The following S1PR3 variants were observed in gnomAD, a reference collection of about 807,000 sequenced individuals.
S1PR3 encodes the protein sphingosine 1-phosphate receptor 3.
A neutral mutation model predicts 13.3 loss-of-function variants in S1PR3; 12 were observed. The observed-to-expected ratio is 0.90, with a 90% CI of 0.58 to 1.46. The LOEUF (loss-of-function observed/expected upper bound fraction) is 1.46. Ranked by LOEUF, S1PR3 falls within the 40% of genes most tolerant of loss-of-function variation. The pLI is 0.00. For synonymous variants in S1PR3, 232 were observed against 214.0 expected, an observed-to-expected ratio of 1.08 and a Z score of -0.73; for missense variants, 450 against 501.9, an observed-to-expected ratio of 0.90 and a Z score of 0.99.
intron 1 of S1PR3, chr9:88,997,710 G>A (rs566218903): frequency 1.3e-5 from 2 of 152,364 alleles, no homozygotes; most frequent in East Asian, 3.9e-4. Context: ...ACATACTGGA[G>A]TGGGTATCCC....
rs141754825 is a variant in S1PR3 at position 88,992,778 on chromosome 9, ATG to A, written c.-148+1104_-148+1105del. 1.1e-3 allele frequency: 171 copies of A among 149,402 alleles called. 1 individual carries two copies. The Middle Eastern group carries it at 0.014, about 12-fold the overall frequency. The allele number at this position is 149,402 out of a possible 1,614,324, so 9.3% of individuals were successfully genotyped here. On this transcript the variant is annotated intron_variant, in intron 1 of 1. Transcript: ENST00000358157. ...TGAGGAGGTGGTGATGGTGCGGGGC[ATG>A]TGTGTGTGTGTGTGTGTGTGCGCTT...
intron 1 of S1PR3, chr9:88,992,296 C>G (rs1825731527): frequency 2.3e-6 from 1 of 426,094 alleles, no homozygotes; most frequent in Admixed American, 4.1e-5. Flanking sequence ...CTCTCTCTCT[C>G]TCTTCCTCTG....
intron 1 of S1PR3, chr9:88,992,698 T>C (rs1433103356): frequency 6.6e-6 from 1 of 152,374 alleles, no homozygotes; most frequent in East Asian, 1.9e-4. Flanking sequence ...AGGATTATGC[T>C]CTGCAGATAC....
At position 88,991,759 on chromosome 9, in the gene S1PR3, C is replaced by T; in HGVS notation, c.-148+64C>T. The T allele has an allele frequency of 6.4e-7, 1 of 1,560,250 alleles. No homozygotes were observed. ...GGGGGCTGGGGGCCGAAGGACCCACCTTTCCAACAAAATCCCCACCGATCC... is the reference window on the plus strand; with the variant it reads ...GGGGGCTGGGGGCCGAAGGACCCACTTTTCCAACAAAATCCCCACCGATCC... On this transcript the variant is annotated intron_variant, in intron 1 of 1. Transcript: ENST00000358157. The surrounding 1 kb of genome is among the most constrained non-coding windows in gnomAD (Gnocchi z 4.0).
rs747910593 is a variant in S1PR3 at position 89,004,915 on chromosome 9, G to A, written c.*2578G>A. The A allele has an allele frequency of 6.0e-6, 1 of 167,052 alleles. No individual in the cohort carries two copies. The highest frequency in any genetic ancestry group is 1.5e-5 in the Non-Finnish European group (1 of 68,122). The allele number at this position is 167,052 out of a possible 1,614,324, so 10.3% of individuals were successfully genotyped here. On this transcript the variant is annotated 3_prime_UTR_variant, in exon 2 of 2. Coordinates refer to ENST00000358157, the MANE Select transcript of S1PR3 (RefSeq NM_005226.4). ...GTCTTCTATGCTGCAGAGAAACTAT[G>A]CATTAGGTCTCTTTTCAATTAGAAA...
chr9:88,991,630 C>G lies in S1PR3; in HGVS notation c.-213C>G. The G allele has an allele frequency of 6.5e-7, 1 of 1,529,180 alleles. No individual in the cohort carries two copies. The highest frequency in any genetic ancestry group is 8.8e-7 in the Non-Finnish European group (1 of 1,139,544). The allele number at this position is 1,529,180 out of a possible 1,614,324, so 94.7% of individuals were successfully genotyped here. A position where few individuals can be genotyped will look rare whatever the true frequency, so the allele number is the denominator to read the frequency against. The stretch of plus-strand genomic sequence containing the variant: ...TCTGGCATTCGAGCGCAGGACCGGG[C>G]GCCCCGGCACCGCCGCGCGCCACCC... On this transcript the variant is annotated 5_prime_UTR_variant, in exon 1 of 2. Coordinates refer to ENST00000358157, the MANE Select transcript of S1PR3 (RefSeq NM_005226.4). The surrounding 1 kb of genome is among the most constrained non-coding windows in gnomAD (Gnocchi z 4.0).
In S1PR3 at chr9:89,001,974, A is replaced by T; in HGVS notation, c.774A>T (p.Pro258=). 6.2e-7 allele frequency: 1 copy of T among 1,613,606 alleles called. No individual in the cohort carries two copies. The highest frequency in any genetic ancestry group is 8.5e-7 in the Non-Finnish European group (1 of 1,179,926). The change falls in exon 2 of 2, where the codon CCA becomes CCT. Residue 258 remains proline (P), a synonymous_variant. Transcript: ENST00000358157. The part of the protein sequence containing the change: ...VVSVFIACWS[P]LFILFLIDVA... ...GCGTGTTCATCGCCTGCTGGTCCCC[A>T]CTCTTCATCCTCTTCCTCATTGATG...
In S1PR3 at chr9:89,003,987, C is replaced by T. The variant is rs1261072616; in HGVS notation, c.*1650C>T. ...AACCTATTTGTAAGGAGATCTTCCC[C>T]AGGAGCATTTCTGTTGCCTTCTTGA... On this transcript the variant is annotated 3_prime_UTR_variant, in exon 2 of 2. Transcript: ENST00000358157. The T allele has an allele frequency of 1.2e-5, 2 of 166,894 alleles. No homozygotes were observed. The highest frequency in any genetic ancestry group is 2.9e-5 in the Non-Finnish European group (2 of 68,094). 10.3% of individuals were successfully genotyped at this position (166,894 alleles called of 1,614,324 possible). A position where few individuals can be genotyped will look rare whatever the true frequency, so the allele number is the denominator to read the frequency against.
In S1PR3 at chr9:88,991,469, G is replaced by A. The variant is rs1412408279; in HGVS notation, c.-374G>A. ...GTTTAGTCTCTGACTCGCTCGGGCA[G>A]AGGCCGAGGAAGCCGGTTCCGGGGA... On this transcript the variant is annotated 5_prime_UTR_variant, in exon 1 of 2. Transcript: ENST00000358157. This position sits in a 1 kb window ranked among gnomAD's most constrained non-coding sequence, Gnocchi z 4.0. 1.3e-6 allele frequency: 2 copies of A among 1,547,294 alleles called. No homozygotes were observed. Among genetic ancestry groups the A allele is most frequent in the Non-Finnish European group, 1.7e-6 (2 of 1,145,816 alleles).
chr9:88,991,723 G>C lies in S1PR3; in HGVS notation c.-148+28G>C. 2 of 1,538,916 alleles carry C rather than the reference G, an allele frequency of 1.3e-6. No homozygotes were observed. The highest frequency in any genetic ancestry group is 1.8e-6 in the Non-Finnish European group (2 of 1,140,762). ...GAGAGGCGGGCCCGGGCGGGGCGCG[G>C]AACCAGGGTGGGGGGCTGGGGGCCG... is the stretch of plus-strand genomic sequence containing the variant. On this transcript the variant is annotated intron_variant, in intron 1 of 1. Coordinates refer to ENST00000358157, the MANE Select transcript of S1PR3 (RefSeq NM_005226.4). This position sits in a 1 kb window ranked among gnomAD's most constrained non-coding sequence, Gnocchi z 4.0.
rs1825860581 is a variant in S1PR3, at chr9:89,001,097, T to C, written c.-104T>C. 10 of 1,371,534 alleles carry C rather than the reference T, an allele frequency of 7.3e-6. 1 individual carries two copies. In the South Asian group the frequency reaches 1.3e-4, roughly 18 times the overall value. 85.0% of individuals were successfully genotyped at this position (1,371,534 alleles called of 1,614,324 possible). A position where few individuals can be genotyped will look rare whatever the true frequency, so the allele number is the denominator to read the frequency against. ...CTCGCTGGAGTCTGGCCTGCACGCC[T>C]TGCTGAATGAAGCCGGAACCTCAGC... On this transcript the variant is annotated 5_prime_UTR_variant, in exon 2 of 2. Coordinates refer to ENST00000358157, the MANE Select transcript of S1PR3 (RefSeq NM_005226.4).
chr9:89,001,526 C>A lies in S1PR3; in HGVS notation c.326C>A (p.Thr109Lys). 5.0e-6 allele frequency: 8 copies of A among 1,614,258 alleles called. No homozygotes were observed. The highest frequency in any genetic ancestry group is 1.7e-5 in the Admixed American group (1 of 60,034). Residue 109 changes from threonine to lysine, a missense_variant, in exon 2 of 2, where the codon ACG becomes AAG. By Grantham distance (78) the Thr-to-Lys change is moderately conservative. Coordinates refer to ENST00000358157, the MANE Select transcript of S1PR3 (RefSeq NM_005226.4). ...AAGAAGACGTTCAGCCTGTCTCCCA[C>A]GGTCTGGTTCCTCAGGGAGGGCAGT... Reference protein sequence around the residue: ...SGKKTFSLSPTVWFLREGSMF... With the variant: ...SGKKTFSLSPKVWFLREGSMF...
At chr9:88,992,339 T>C (rs1486443769) in intron 1 of S1PR3, 3 of 300,784 alleles carry the variant, frequency 1.0e-5, no homozygotes, top group Non-Finnish European at 1.8e-5. Context: ...CAATGGTATA[T>C]TTCTTTGTGG....
rs752061279 is a variant in S1PR3, at chr9:89,001,932, C to A, written c.732C>A (p.Thr244=). 4 of 1,614,080 alleles carry A rather than the reference C, an allele frequency of 2.5e-6. No homozygotes were observed. The highest frequency in any genetic ancestry group is 1.6e-4 in the Middle Eastern group (1 of 6,084). Residue 244 remains threonine (T), a synonymous_variant, in exon 2 of 2, where the codon ACC becomes ACA. Coordinates refer to ENST00000358157, the MANE Select transcript of S1PR3 (RefSeq NM_005226.4). ...AGCGGTCCATGGCACTGCTGCGGACCGTGGTGATTGTGGTGAGCGTGTTCA... is the reference window on the plus strand; with the variant it reads ...AGCGGTCCATGGCACTGCTGCGGACAGTGGTGATTGTGGTGAGCGTGTTCA... ...NSERSMALLR[T]VVIVVSVFIA...
chr9:88,994,890 G>A (rs961965387), intron 1 of S1PR3: 14 of 167,052 alleles, frequency 8.4e-5, no homozygotes, highest in African/African-American at 3.4e-4. Context: ...ATTTCTCAGG[G>A]GAGCTGCATT....
Position 89,002,346 on chromosome 9 carries a change from A to G in S1PR3, c.*9A>G, listed in dbSNP as rs369307139. 6.2e-7 allele frequency: 1 copy of G among 1,612,908 alleles called. No individual in the cohort carries two copies. Among genetic ancestry groups the G allele is most frequent in the African/African-American group, 1.3e-5 (1 of 74,890 alleles). On this transcript the variant is annotated 3_prime_UTR_variant, in exon 2 of 2. Transcript: ENST00000358157. ...GGATCTTCTGCAACTGATCGTCTCC[A>G]TGCGCCCTGCTCTGCGGCTGTGTTC...
At chr9:88,991,027 T>A, upstream of S1PR3, 1 of 1,613,482 alleles carries the variant, frequency 6.2e-7, no homozygotes, top group South Asian at 1.1e-5. The surrounding 1 kb of genome is among the most constrained non-coding windows in gnomAD (Gnocchi z 4.0). Flanking sequence ...ATAATGATAG[T>A]ATTAATCCTC....
intron 1 of S1PR3, chr9:89,000,312 C>T (rs1422168755): frequency 1.3e-5 from 2 of 152,228 alleles, no homozygotes; most frequent in Non-Finnish European, 2.9e-5. Flanking sequence ...AAGCCAGACT[C>T]AGTCAGTGTG....
chr9:88,993,472 A>G (rs766041495), intron 1 of S1PR3: 4 of 152,146 alleles, frequency 2.6e-5, no homozygotes, highest in African/African-American at 4.8e-5. Flanking sequence ...CAGTCTGTTT[A>G]CCTTAGCTGG....
Sources: gnomAD v4.1 joint callset for allele counts on GRCh38, gnomAD v4.1.1 for gene constraint, Gnocchi (gnomAD v3.1) non-coding constraint, MANE v1.5 for transcripts, NCBI Gene and HGNC (gene_info 2026-07-23, HGNC 2026-07-21) for gene names.